The following LINGO2 variants were observed in gnomAD, a reference collection of about 807,000 sequenced individuals.
LINGO2 encodes the protein leucine rich repeat and Ig domain containing 2, also known as leucine-rich repeat and immunoglobulin-like domain-containing nogo receptor-interacting protein 2.
In LINGO2, 14 loss-of-function variants were observed where a neutral mutation model predicts 30.6. The observed-to-expected ratio is 0.46, with a 90% CI of 0.30 to 0.72. LINGO2 has a LOEUF of 0.72. Ranked by LOEUF, LINGO2 falls within the 30% of genes least tolerant of loss-of-function variation. The pLI, the probability that LINGO2 is intolerant of heterozygous loss-of-function variation, is 0.07. For missense variants in LINGO2, 729 were observed against 751.7 expected (o/e 0.97, Z 0.35); for synonymous variants, 317 against 288.5 (o/e 1.10, Z -1.00).
the LINGO2 span, among the ~76,000 whole-genome samples, chr9:29,119,473 G>T: frequency 1.5e-4 from 22 of 149,974 alleles, no homozygotes; most frequent in African/African-American, 3.4e-4. Context: ...GATAATAATA[G>T]ATATTGATAA....
intron 3 of LINGO2, among the ~76,000 whole-genome samples, chr9:28,351,177 C>A (rs1472310298): frequency 1.3e-5 from 2 of 150,576 alleles, no homozygotes; most frequent in African/African-American, 4.9e-5. Flanking sequence ...AAAAGAGACA[C>A]AAAAAACCCT....
At chr9:28,382,984 A>G (rs1479139268) in intron 2 of LINGO2, among the ~76,000 whole-genome samples, 1 of 152,054 alleles carries the variant, frequency 6.6e-6, no homozygotes, top group African/African-American at 2.4e-5. Context: ...AGTTAAAACA[A>G]TGTGGACAAA....
At chr9:28,615,276 T>C (rs1447277443) in intron 1 of LINGO2, among the ~76,000 whole-genome samples, 2 of 152,172 alleles carry the variant, frequency 1.3e-5, no homozygotes, top group Non-Finnish European at 2.9e-5. Context: ...AAATATTCAC[T>C]TAATATGTTC....
At chr9:28,970,138 C>T in the LINGO2 span, among the ~76,000 whole-genome samples, 6 of 151,926 alleles carry the variant, frequency 3.9e-5, no homozygotes, top group Admixed American at 3.9e-4. Flanking sequence ...GGTCCTAGCA[C>T]TAAGCTTAGG....
At chr9:28,583,783 T>C (rs993428464) in intron 1 of LINGO2, among the ~76,000 whole-genome samples, 3 of 152,200 alleles carry the variant, frequency 2.0e-5, no homozygotes, top group East Asian at 3.9e-4. Context: ...GATGCTGACA[T>C]GGTTTGAAAA....
the LINGO2 span, among the ~76,000 whole-genome samples, chr9:28,984,826 A>T: frequency 2.0e-5 from 3 of 152,126 alleles, no homozygotes; most frequent in African/African-American, 7.2e-5. Context: ...AATCTAACTA[A>T]TTTACATACC....
chr9:29,092,684 A>T, the LINGO2 span, among the ~76,000 whole-genome samples: 2 of 133,436 alleles, frequency 1.5e-5, no homozygotes, highest in Non-Finnish European at 3.3e-5. Flanking sequence ...CTTAACAAAG[A>T]CTGCCAACAG....
At chr9:28,304,970 A>G (rs1234696606) in intron 3 of LINGO2, among the ~76,000 whole-genome samples, 1 of 152,050 alleles carries the variant, frequency 6.6e-6, no homozygotes, top group Non-Finnish European at 1.5e-5. Context: ...TTACTTATCA[A>G]TGTTCTAGGA....
intron 4 of LINGO2, among the ~76,000 whole-genome samples, chr9:28,144,178 G>T (rs1212715414): frequency 6.6e-6 from 1 of 152,130 alleles, no homozygotes; most frequent in African/African-American, 2.4e-5. Context: ...ATTGCATAAA[G>T]GTTATTGTTT....
intron 4 of LINGO2, among the ~76,000 whole-genome samples, chr9:28,099,391 T>A (rs978093678): frequency 6.6e-6 from 1 of 152,220 alleles, no homozygotes; most frequent in African/African-American, 2.4e-5. Context: ...TGTTTTCTTA[T>A]ACCCTAATGT....
chr9:29,033,992 G>A, the LINGO2 span, among the ~76,000 whole-genome samples: 1 of 151,826 alleles, frequency 6.6e-6, no homozygotes, highest in South Asian at 2.1e-4. Flanking sequence ...TGAAAGAGGA[G>A]AATCACTTGA....
intron 1 of LINGO2, among the ~76,000 whole-genome samples, chr9:28,556,132 G>C (rs951455836): frequency 1.3e-5 from 2 of 151,970 alleles, no homozygotes; most frequent in African/African-American, 4.8e-5. Flanking sequence ...CATAGTGTTG[G>C]AAGTTCTGGC....
chr9:28,761,439 G>T, the LINGO2 span, among the ~76,000 whole-genome samples: 38 of 151,294 alleles, frequency 2.5e-4, 1 homozygote, highest in African/African-American at 8.3e-4. Context: ...AGAGCTTAAA[G>T]TTTGATAGAA....
the LINGO2 span, among the ~76,000 whole-genome samples, chr9:28,789,090 G>A: frequency 6.6e-6 from 1 of 152,022 alleles, no homozygotes; most frequent in Non-Finnish European, 1.5e-5. Context: ...CCTGGTTTCA[G>A]ATTTTGGATA....
the LINGO2 span, among the ~76,000 whole-genome samples, chr9:28,744,638 G>A: frequency 0.62 from 73,335 of 118,212 alleles, 22,764 homozygotes; most frequent in Non-Finnish European, 0.71. Context: ...GTGTGTGTGT[G>A]TATTTTTTTT....
intron 4 of LINGO2, among the ~76,000 whole-genome samples, chr9:28,154,922 C>A (rs1316641024): frequency 6.6e-6 from 1 of 152,164 alleles, no homozygotes; most frequent in Non-Finnish European, 1.5e-5. Context: ...TTTTAAAAAT[C>A]ATGAATCACT....
At chr9:29,132,592 C>T in the LINGO2 span, among the ~76,000 whole-genome samples, 1 of 152,180 alleles carries the variant, frequency 6.6e-6, no homozygotes, top group African/African-American at 2.4e-5. Flanking sequence ...TCTTGTGTCA[C>T]TTGCTGGAGC....
At chr9:27,988,056 A>G (rs969606080) in intron 5 of LINGO2, among the ~76,000 whole-genome samples, 3 of 151,758 alleles carry the variant, frequency 2.0e-5, no homozygotes, top group Non-Finnish European at 2.9e-5. Context: ...CCTGTGTCCA[A>G]GTGTTCTCAT....
the LINGO2 span, among the ~76,000 whole-genome samples, chr9:28,889,961 TA>T: frequency 6.6e-6 from 1 of 152,058 alleles, no homozygotes; most frequent in Non-Finnish European, 1.5e-5. Context: ...CTTCTCCCCA[TA>T]AAAAGCATGT....
Sources: gnomAD v4.1 joint callset for allele counts (sites outside exome capture counted in the v4.1 genomes callset) on GRCh38, gnomAD v4.1.1 for gene constraint, MANE v1.5 for transcripts, NCBI Gene and HGNC (gene_info 2026-07-23, HGNC 2026-07-21) for gene names.